The following TMEM135 variants were observed in gnomAD, a reference collection of about 807,000 sequenced individuals.
TMEM135 encodes peroxisomal membrane protein 52.
Under a neutral mutation model 60.3 loss-of-function variants are expected in TMEM135, and 30 were observed. That is an observed-to-expected ratio of 0.50 (90% CI 0.37 to 0.68). The LOEUF (loss-of-function observed/expected upper bound fraction) is 0.68, where lower values mean the gene tolerates loss of function less well. Ranked by LOEUF, TMEM135 falls within the 30% of genes least tolerant of loss-of-function variation. The pLI, the probability that TMEM135 is intolerant of heterozygous loss-of-function variation, is 0.00. For synonymous variants in TMEM135, 190 were observed against 186.7 expected (o/e 1.02, Z -0.14); for missense variants, 468 against 548.8 (o/e 0.85, Z 1.47).
At chr11:87,198,698 C>G (rs1422610253) in intron 5 of TMEM135, among the ~76,000 whole-genome samples, 2 of 151,592 alleles carry the variant, frequency 1.3e-5, no homozygotes, top group African/African-American at 4.8e-5. Context: ...TCTTCCCTCC[C>G]TCTCTTTTCT....
intron 8 of TMEM135, 145 bp downstream of exon 8, chr11:87,302,587 C>T (rs1590858277): frequency 1.0e-6 from 1 of 996,572 alleles, no homozygotes; most frequent in East Asian, 2.5e-5. Flanking sequence ...ATAAAAGGCA[C>T]ACAATGGCAA....
chr11:87,226,269 A>G (rs662957), intron 5 of TMEM135, among the ~76,000 whole-genome samples: 19,633 of 152,202 alleles, frequency 0.13, 1,314 homozygotes, highest in Non-Finnish European at 0.14. Context: ...TTGGGTGTTT[A>G]ATGATGATGT....
At chr11:87,116,867 GGATA>G (rs2135207529) in intron 4 of TMEM135, among the ~76,000 whole-genome samples, 1 of 151,856 alleles carries the variant, frequency 6.6e-6, no homozygotes, top group Non-Finnish European at 1.5e-5. Context: ...CTGTCTCCCA[GGATA>G]GAGTGCAGTG....
At chr11:87,104,096 A>T (rs1857532812) in intron 4 of TMEM135, among the ~76,000 whole-genome samples, 1 of 152,058 alleles carries the variant, frequency 6.6e-6, no homozygotes, top group Non-Finnish European at 1.5e-5. Context: ...TCCATTTTGA[A>T]TTAATTTTTA....
At chr11:87,063,696 G>T (rs1031114197) in intron 1 of TMEM135, among the ~76,000 whole-genome samples, 1 of 152,140 alleles carries the variant, frequency 6.6e-6, no homozygotes, top group Admixed American at 6.5e-5. Context: ...CATTATTTTA[G>T]CCACTTGTAA....
chr11:87,284,763 T>C (rs1466446654), intron 6 of TMEM135, among the ~76,000 whole-genome samples: 1 of 152,228 alleles, frequency 6.6e-6, no homozygotes, highest in Non-Finnish European at 1.5e-5. Flanking sequence ...GGAAACAAAA[T>C]AATCTTCCCC....
intron 4 of TMEM135, among the ~76,000 whole-genome samples, chr11:87,131,168 C>T (rs963187500): frequency 6.6e-6 from 1 of 152,036 alleles, no homozygotes; most frequent in African/African-American, 2.4e-5. Flanking sequence ...TGCATTAATG[C>T]ATTACATTTG....
chr11:87,250,387 T>G (rs1454384057), intron 6 of TMEM135, among the ~76,000 whole-genome samples: 1 of 152,128 alleles, frequency 6.6e-6, no homozygotes, highest in Non-Finnish European at 1.5e-5. Context: ...TGTTGTTTGC[T>G]TAAAGTTTTT....
chr11:87,058,194 C>T (rs570701142), intron 1 of TMEM135, among the ~76,000 whole-genome samples: 1 of 152,280 alleles, frequency 6.6e-6, no homozygotes, highest in African/African-American at 2.4e-5. Flanking sequence ...CACCTAGAAG[C>T]ACCCTCATAG....
intron 4 of TMEM135, among the ~76,000 whole-genome samples, chr11:87,138,988 G>A (rs542087164): frequency 1.3e-5 from 2 of 152,252 alleles, no homozygotes; most frequent in East Asian, 3.9e-4. Context: ...TGCAGGCTCT[G>A]TTTCATCTTT....
intron 1 of TMEM135, among the ~76,000 whole-genome samples, chr11:87,053,314 CTTTT>C (rs1455868498): frequency 6.9e-6 from 1 of 143,958 alleles, no homozygotes; most frequent in African/African-American, 2.6e-5. Flanking sequence ...TATATGGATA[CTTTT>C]TTTATTGATT....
intron 5 of TMEM135, among the ~76,000 whole-genome samples, chr11:87,200,046 T>C (rs1335824111): frequency 6.6e-6 from 1 of 152,252 alleles, no homozygotes; most frequent in Non-Finnish European, 1.5e-5. Flanking sequence ...ATCTTCAATA[T>C]GGTTTGCTTC....
chr11:87,325,805 A>G lies in TMEM135; in HGVS notation c.*4472A>G, dbSNP rs1244631044. 1 of 454,016 alleles carries G rather than the reference A, an allele frequency of 2.2e-6. No homozygotes were observed. The highest frequency in any genetic ancestry group is 2.4e-5 in the Admixed American group (1 of 42,542). The allele number at this position is 454,016 out of a possible 1,614,324, so 28.1% of individuals were successfully genotyped here. A position where few individuals can be genotyped will look rare whatever the true frequency, so the allele number is the denominator to read the frequency against. ...CTCTGTATGTGAAGCCTTTAAATCCAGAACAATTAATTTCTTCTCTTCTTA... is the reference window on the plus strand; with the variant it reads ...CTCTGTATGTGAAGCCTTTAAATCCGGAACAATTAATTTCTTCTCTTCTTA... On this transcript the variant is annotated 3_prime_UTR_variant, in exon 15 of 15. Coordinates refer to ENST00000305494, the MANE Select transcript of TMEM135 (RefSeq NM_022918.4).
intron 6 of TMEM135, among the ~76,000 whole-genome samples, chr11:87,266,730 A>G (rs1265688277): frequency 6.6e-6 from 1 of 152,220 alleles, no homozygotes; most frequent in African/African-American, 2.4e-5. Flanking sequence ...TTCTCACTAA[A>G]GCAGGAGGCA....
intron 6 of TMEM135, among the ~76,000 whole-genome samples, chr11:87,255,656 G>GA (rs34551834): frequency 4.0e-5 from 6 of 148,552 alleles, no homozygotes; most frequent in East Asian, 2.0e-4. Context: ...TCTCTTGAAA[G>GA]AAAAAAAAAA....
rs187091226 is a variant in TMEM135, at chr11:87,088,608, A to C, written c.363-2754A>C. On this transcript the variant is annotated intron_variant, in intron 3 of 14. Transcript: ENST00000305494. ...AAAAAGATTACTTAAGTTTTCTATT[A>C]GTTCGGTCTATTCAGTTAACTCTTG... Among the ~76,000 whole-genome samples, 103 of 152,370 alleles carry C rather than the reference A, an allele frequency of 6.8e-4. 1 individual carries two copies. The highest frequency in any genetic ancestry group is 3.7e-3 in the South Asian group (18 of 4,828).
chr11:87,319,777 C>T (rs1473569736), intron 14 of TMEM135, among the ~76,000 whole-genome samples: 1 of 152,152 alleles, frequency 6.6e-6, no homozygotes, highest in East Asian at 1.9e-4. Context: ...ATATGTTCCT[C>T]TACCTTACAT....
chr11:87,302,901 A>G (rs1565163885), intron 8 of TMEM135, among the ~76,000 whole-genome samples: 1 of 152,228 alleles, frequency 6.6e-6, no homozygotes, highest in Non-Finnish European at 1.5e-5. Context: ...TTTTATTTGT[A>G]TATTATAAAA....
chr11:87,159,601 A>G (rs1938807789), intron 5 of TMEM135, among the ~76,000 whole-genome samples: 1 of 143,360 alleles, frequency 7.0e-6, no homozygotes, highest in African/African-American at 2.6e-5. Flanking sequence ...GCGCACACAC[A>G]CACACACACA....
Sources: allele counts gnomAD v4.1 joint callset (sites outside exome capture counted in the v4.1 genomes callset), GRCh38; gene constraint gnomAD v4.1.1; transcripts MANE v1.5; gene names NCBI Gene and HGNC (gene_info 2026-07-23, HGNC 2026-07-21).